ARL6IP5: variants seen among roughly 807,000 people sequenced by gnomAD.
ARL6IP5 encodes the protein ARF like GTPase 6 interacting protein 5.
In ARL6IP5, 6 loss-of-function variants were observed where a neutral mutation model predicts 13.0. That is an observed-to-expected ratio of 0.46 (90% CI 0.25 to 0.91). The LOEUF is 0.91. Among genes scored for constraint, ARL6IP5 ranks in the 40% least tolerant of loss-of-function variants. The pLI is 0.17. For synonymous variants in ARL6IP5, 91 were observed against 91.9 expected (o/e 0.99, Z 0.06); for missense variants, 208 against 248.8 (o/e 0.84, Z 1.10).
intron 1 of ARL6IP5, among the ~76,000 whole-genome samples, chr3:69,086,148 G>C (rs1575856721): frequency 6.6e-6 from 1 of 152,334 alleles, no homozygotes; most frequent in Middle Eastern, 3.4e-3. Flanking sequence ...TTTCAGGGCA[G>C]ACGTAGAGGG....
chr3:69,104,539 T>C lies in ARL6IP5; in HGVS notation c.470T>C (p.Leu157Ser). Residue 157 changes from leucine to serine, a missense_variant, in exon 3 of 3, where the codon TTG becomes TCG. Physicochemically the swap from Leu to Ser is moderately radical, Grantham distance 145. Coordinates refer to ENST00000273258, the MANE Select transcript of ARL6IP5 (RefSeq NM_006407.4). ...KLENKMEGIG[L>S]KRTPMGIVLD... ...GAGAATAAAATGGAAGGAATAGGTT[T>C]GAAGAGGACACCGATGGGCATTGTC... 2 of 1,614,074 alleles carry C rather than the reference T, an allele frequency of 1.2e-6. No homozygotes were observed. The highest frequency in any genetic ancestry group is 1.7e-6 in the Non-Finnish European group (2 of 1,179,986).
chr3:69,101,654 T>G lies in ARL6IP5; in HGVS notation c.177-185T>G, dbSNP rs143973290. ...CATTTTCTAACCTCTGTGCCTTAGC[T>G]TCTTCATTTGAGAAATGAACTAATA... On this transcript the variant is annotated intron_variant, in intron 1 of 2. Coordinates refer to ENST00000273258, the MANE Select transcript of ARL6IP5 (RefSeq NM_006407.4). Among the ~76,000 whole-genome samples the G allele has an allele frequency of 4.8e-3, 737 of 152,262 alleles. 8 individuals are homozygous for G. Among genetic ancestry groups the G allele is most frequent in the African/African-American group, 0.016 (679 of 41,540 alleles).
At chr3:69,097,089 G>A (rs537845534) in intron 1 of ARL6IP5, among the ~76,000 whole-genome samples, 21 of 151,968 alleles carry the variant, frequency 1.4e-4, no homozygotes. Flanking sequence ...ATAAAAATAA[G>A]CAAATGGAAA....
intron 2 of ARL6IP5, 48 bp downstream of exon 2, chr3:69,102,104 C>A (rs1251866606): frequency 2.5e-6 from 4 of 1,570,332 alleles, no homozygotes; most frequent in Non-Finnish European, 3.5e-6. Context: ...AATGTAGAAG[C>A]AATTATCCAA....
chr3:69,096,000 TTC>T (rs1387928298), intron 1 of ARL6IP5, among the ~76,000 whole-genome samples: 2 of 152,202 alleles, frequency 1.3e-5, no homozygotes, highest in African/African-American at 4.8e-5. Context: ...TTCTGAGAAT[TTC>T]TGTTAATCTG....
intron 1 of ARL6IP5, among the ~76,000 whole-genome samples, chr3:69,089,239 G>C (rs903907261): frequency 6.6e-6 from 1 of 152,044 alleles, no homozygotes; most frequent in African/African-American, 2.4e-5. Context: ...CAGGGTCCAG[G>C]CATCTGTTGT....
At chr3:69,087,660 G>A (rs1164756506) in intron 1 of ARL6IP5, among the ~76,000 whole-genome samples, 3 of 152,174 alleles carry the variant, frequency 2.0e-5, no homozygotes, top group South Asian at 4.1e-4. Context: ...GGTAGTTTAG[G>A]GGTGTTGGCC....
chr3:69,101,812 C>T lies in ARL6IP5; in HGVS notation c.177-27C>T. 5 of 1,585,820 alleles carry T rather than the reference C, an allele frequency of 3.2e-6. No homozygotes were observed. In the South Asian group the frequency reaches 4.5e-5, roughly 14 times the overall value. Reference sequence around the variant, plus strand: ...TACTTCTATTGCTGAACTAGTCACCCCTCATTTTTTCTTCCTCATATTTCA... The same window carrying T: ...TACTTCTATTGCTGAACTAGTCACCTCTCATTTTTTCTTCCTCATATTTCA... On this transcript the variant is annotated intron_variant, in intron 1 of 2. Coordinates refer to ENST00000273258, the MANE Select transcript of ARL6IP5 (RefSeq NM_006407.4).
intron 1 of ARL6IP5, among the ~76,000 whole-genome samples, chr3:69,097,145 T>C (rs891111063): frequency 1.3e-5 from 2 of 152,106 alleles, no homozygotes; most frequent in African/African-American, 4.8e-5. Context: ...GTATAATTTT[T>C]CAGTTTCTCT....
intron 1 of ARL6IP5, among the ~76,000 whole-genome samples, chr3:69,099,279 G>A (rs2092298455): frequency 6.6e-6 from 1 of 152,076 alleles, no homozygotes; most frequent in Non-Finnish European, 1.5e-5. Context: ...GCTGAGGCAG[G>A]AGAATTGCTT....
intron 1 of ARL6IP5, among the ~76,000 whole-genome samples, chr3:69,091,194 C>T (rs901389099): frequency 6.6e-5 from 10 of 151,674 alleles, no homozygotes; most frequent in East Asian, 1.9e-4. Flanking sequence ...AGTGAGACGC[C>T]GTGTAAAAAA....
chr3:69,102,181 A>G, intron 2 of ARL6IP5, 125 bp downstream of exon 2: 1 of 998,620 alleles, frequency 1.0e-6, no homozygotes. Flanking sequence ...ATTTTCTAAA[A>G]CAGCTTTCTA....
In ARL6IP5 at chr3:69,101,846, A is replaced by C; in HGVS notation, c.184A>C (p.Ser62Arg). Residue 62 changes from serine (S) to arginine (R), a missense_variant, in exon 2 of 3, where the codon AGT (serine) becomes CGT (arginine). Ser to Arg is a moderately radical substitution (Grantham distance 110). Coordinates refer to ENST00000273258, the MANE Select transcript of ARL6IP5 (RefSeq NM_006407.4). ...AMMISIVGFL[S>R]PFNMILGGIV... ...TTCTTCCTCATATTTCAGGTTTCTG[A>C]GTCCCTTCAACATGATCCTGGGAGG... The C allele has an allele frequency of 6.2e-7, 1 of 1,612,924 alleles. No homozygotes were observed. Among genetic ancestry groups the C allele is most frequent in the East Asian group, 2.2e-5 (1 of 44,840 alleles).
chr3:69,089,993 G>A (rs750703760), intron 1 of ARL6IP5: 2 of 389,328 alleles, frequency 5.1e-6, no homozygotes, highest in Non-Finnish European at 1.0e-5. Flanking sequence ...GTAATTATAA[G>A]TTTGAAAACA....
chr3:69,086,095 C>CT (rs1176303642), intron 1 of ARL6IP5, among the ~76,000 whole-genome samples: 2 of 152,192 alleles, frequency 1.3e-5, no homozygotes, highest in Non-Finnish European at 2.9e-5. Flanking sequence ...CACCCTCAGA[C>CT]TTTATAAAGG....
At chr3:69,091,122 T>C (rs1317759720) in intron 1 of ARL6IP5, among the ~76,000 whole-genome samples, 1 of 152,028 alleles carries the variant, frequency 6.6e-6, no homozygotes, top group African/African-American at 2.4e-5. Flanking sequence ...CTTTTGAGCG[T>C]GGGAGGCGGA....
At chr3:69,093,520 T>C (rs2092276225) in intron 1 of ARL6IP5, among the ~76,000 whole-genome samples, 1 of 152,120 alleles carries the variant, frequency 6.6e-6, no homozygotes, top group East Asian at 1.9e-4. Context: ...CTCTCCACTT[T>C]GGGAGGCTGA....
chr3:69,095,922 G>A (rs925787316), intron 1 of ARL6IP5, among the ~76,000 whole-genome samples: 1 of 152,176 alleles, frequency 6.6e-6, no homozygotes, highest in Non-Finnish European at 1.5e-5. Flanking sequence ...GGGGTTTGTC[G>A]TGATTGCTGT....
At chr3:69,094,395 C>T (rs903908422) in intron 1 of ARL6IP5, among the ~76,000 whole-genome samples, 2 of 152,134 alleles carry the variant, frequency 1.3e-5, no homozygotes, top group South Asian at 4.2e-4. Flanking sequence ...CCAGACCCTG[C>T]GAAGCCTTGT....
Sources: allele counts gnomAD v4.1 joint callset (sites outside exome capture counted in the v4.1 genomes callset), GRCh38; gene constraint gnomAD v4.1.1; transcripts MANE v1.5; gene names NCBI Gene and HGNC (gene_info 2026-07-23, HGNC 2026-07-21).